Variants in SIPA1L1 observed in about 807,000 individuals in gnomAD.
The protein encoded by SIPA1L1 is signal-induced proliferation-associated 1-like protein 1.
In SIPA1L1, 26 loss-of-function variants were observed where a neutral mutation model predicts 162.7. The ratio of observed to expected loss-of-function variants is 0.16; its 90% CI spans 0.12 to 0.22. SIPA1L1 has a LOEUF of 0.22. Ranked by LOEUF, SIPA1L1 falls within the 10% of genes least tolerant of loss-of-function variation. The probability of loss-of-function intolerance (pLI) is 1.00; values close to 1 mark genes in which losing one functional copy is unlikely to be tolerated. For missense variants in SIPA1L1, 1,874 were observed against 2,241.0 expected (o/e 0.84, Z 3.31); for synonymous variants, 829 against 837.4 (o/e 0.99, Z 0.17).
chr14:71,392,162 T>G (rs1321986383), intron 2 of SIPA1L1, among the ~76,000 whole-genome samples: 3 of 152,154 alleles, frequency 2.0e-5, no homozygotes, highest in Non-Finnish European at 4.4e-5. Context: ...CAATACCCAT[T>G]ATCTCCTGAG....
Position 71,618,738 on chromosome 14 carries a change from T to C in SIPA1L1, c.1499-19T>C, listed in dbSNP as rs200423128. 1 of 1,606,320 alleles carries C rather than the reference T, an allele frequency of 6.2e-7. No homozygotes were observed. On this transcript the variant is annotated intron_variant, in intron 5 of 23. Coordinates refer to ENST00000381232, the MANE Select transcript of SIPA1L1 (RefSeq NM_001386936.1). ...GTTAGGTAGATTTTCTAACTTTGTTTTGTCTTATTTTACCTAAGAACACTG... is the reference window on the plus strand; with the variant it reads ...GTTAGGTAGATTTTCTAACTTTGTTCTGTCTTATTTTACCTAAGAACACTG...
At chr14:71,354,422 C>T (rs190093261) in intron 2 of SIPA1L1, among the ~76,000 whole-genome samples, 18 of 151,802 alleles carry the variant, frequency 1.2e-4, no homozygotes, top group East Asian at 3.9e-4. Context: ...GGATTACAGG[C>T]GCCCGTCACC....
At chr14:71,662,467 G>A (rs939601813) in intron 10 of SIPA1L1, among the ~76,000 whole-genome samples, 1 of 152,216 alleles carries the variant, frequency 6.6e-6, no homozygotes, top group African/African-American at 2.4e-5. Flanking sequence ...CTATGAGGTA[G>A]GTACTGCTTT....
chr14:71,694,488 A>G (rs536335214), intron 13 of SIPA1L1, among the ~76,000 whole-genome samples: 2 of 152,086 alleles, frequency 1.3e-5, no homozygotes, highest in South Asian at 2.1e-4. Flanking sequence ...CATTCTTAGT[A>G]CAATAAAAAA....
At chr14:71,482,563 GT>G (rs1248739023) in intron 2 of SIPA1L1, among the ~76,000 whole-genome samples, 2 of 152,218 alleles carry the variant, frequency 1.3e-5, no homozygotes, top group African/African-American at 4.8e-5. Context: ...CAGTCAAAGT[GT>G]GTGGAAACGC....
chr14:71,601,654 T>C (rs1257471260), intron 5 of SIPA1L1, among the ~76,000 whole-genome samples: 1 of 152,206 alleles, frequency 6.6e-6, no homozygotes, highest in Non-Finnish European at 1.5e-5. Context: ...TGGAATACTT[T>C]GAGGAGAATT....
chr14:71,723,619 C>G, intron 17 of SIPA1L1, 28 bp from the exon 18 acceptor site: 1 of 1,612,854 alleles, frequency 6.2e-7, no homozygotes, highest in Non-Finnish European at 8.5e-7. Flanking sequence ...TCCTGAGATA[C>G]ACATGTCTTT....
At chr14:71,630,943 T>C (rs1350599490) in intron 7 of SIPA1L1, among the ~76,000 whole-genome samples, 3 of 152,074 alleles carry the variant, frequency 2.0e-5, no homozygotes, top group African/African-American at 7.2e-5. Flanking sequence ...TACATAGGTA[T>C]ACATGTGCCA....
intron 6 of SIPA1L1, among the ~76,000 whole-genome samples, chr14:71,621,835 CTCTTCCTT>C (rs2039482212): frequency 6.6e-6 from 1 of 151,878 alleles, no homozygotes; most frequent in African/African-American, 2.4e-5. Flanking sequence ...TCCTTTTCCT[CTCTTCCTT>C]TCTTCCTTCC....
At chr14:71,676,548 C>T (rs183789186) in intron 12 of SIPA1L1, among the ~76,000 whole-genome samples, 206 of 149,380 alleles carry the variant, frequency 1.4e-3, no homozygotes, top group Non-Finnish European at 2.5e-3. Flanking sequence ...CATATGTATA[C>T]ATGTGCCATG....
chr14:71,733,285 T>C (rs1454691657), intron 20 of SIPA1L1, among the ~76,000 whole-genome samples: 2 of 152,188 alleles, frequency 1.3e-5, no homozygotes, highest in Non-Finnish European at 2.9e-5. Flanking sequence ...AAAATCCAGC[T>C]CCCTGTTGAA....
intron 2 of SIPA1L1, among the ~76,000 whole-genome samples, chr14:71,440,855 A>C (rs1332301944): frequency 1.3e-5 from 2 of 151,936 alleles, no homozygotes; most frequent in Non-Finnish European, 2.9e-5. Flanking sequence ...TACCCTTTTA[A>C]TGTAGGTATT....
intron 2 of SIPA1L1, among the ~76,000 whole-genome samples, chr14:71,353,635 G>A (rs1162268316): frequency 6.6e-6 from 1 of 152,148 alleles, no homozygotes; most frequent in African/African-American, 2.4e-5. Flanking sequence ...AAGAGGCAGT[G>A]GGGGTGGTCT....
At chr14:71,445,137 T>C (rs575537378) in intron 2 of SIPA1L1, among the ~76,000 whole-genome samples, 4 of 152,372 alleles carry the variant, frequency 2.6e-5, no homozygotes, top group Non-Finnish European at 5.9e-5. Flanking sequence ...AATTGCTTCA[T>C]TGACAGTTTC....
intron 7 of SIPA1L1, among the ~76,000 whole-genome samples, chr14:71,641,279 C>CT (rs1329963236): frequency 2.2e-5 from 3 of 134,082 alleles, no homozygotes; most frequent in Non-Finnish European, 4.8e-5. Flanking sequence ...ACAAGATAAT[C>CT]TAAAAAAAAA....
chr14:71,523,727 C>T (rs1434480935), intron 3 of SIPA1L1, among the ~76,000 whole-genome samples: 1 of 152,168 alleles, frequency 6.6e-6, no homozygotes, highest in Non-Finnish European at 1.5e-5. Context: ...AAGAGCTTGG[C>T]CTTCTCTTCC....
At chr14:71,414,165 G>A (rs1307365124) in intron 2 of SIPA1L1, 1 of 152,210 alleles carries the variant, frequency 6.6e-6, no homozygotes, top group Non-Finnish European at 1.5e-5. Flanking sequence ...GATCACCTGA[G>A]GTCAGGAGTT....
chr14:71,404,115 A>C (rs568813465), intron 2 of SIPA1L1, among the ~76,000 whole-genome samples: 199 of 152,150 alleles, frequency 1.3e-3, no homozygotes, highest in African/African-American at 4.4e-3. Flanking sequence ...GAAGGTTGGC[A>C]CTCAGGGGTG....
intron 2 of SIPA1L1, among the ~76,000 whole-genome samples, chr14:71,485,442 G>C (rs921685934): frequency 6.6e-6 from 1 of 152,150 alleles, no homozygotes. Context: ...TGTCAGATCA[G>C]TGGTGGCATT....
Sources: gnomAD v4.1 joint callset for allele counts (sites outside exome capture counted in the v4.1 genomes callset) on GRCh38, gnomAD v4.1.1 for gene constraint, MANE v1.5 for transcripts, NCBI Gene and HGNC (gene_info 2026-07-23, HGNC 2026-07-21) for gene names.